The following BDP1 variants were observed in gnomAD, a reference collection of about 807,000 sequenced individuals.
BDP1 encodes the protein BDP1 general transcription factor IIIB subunit.
BDP1 carries 169 observed loss-of-function variants against 266.6 expected under a neutral mutation model. The ratio of observed to expected loss-of-function variants is 0.63; its 90% CI spans 0.56 to 0.72. The LOEUF is 0.72. Among genes scored for constraint, BDP1 ranks in the 30% least tolerant of loss-of-function variants. The probability of loss-of-function intolerance (pLI) is 0.00; values close to 1 mark genes in which losing one functional copy is unlikely to be tolerated. For missense variants in BDP1, 3,015 were observed against 3,053.8 expected (o/e 0.99, Z 0.30); for synonymous variants, 1,090 against 1,022.4 (o/e 1.07, Z -1.26).
In BDP1 at chr5:71,522,392, C is replaced by T. The variant is rs959926970; in HGVS notation, c.5095C>T (p.Pro1699Ser). 3.1e-6 allele frequency: 5 copies of T among 1,613,578 alleles called. No homozygotes were observed. The Admixed American group carries it at 5.0e-5, about 16-fold the overall frequency. ...AAGAGCACACAGTAAGAAAGAGGAA[C>T]CAGTTTTAGAAAAAGTCACAACAGA... is the stretch of plus-strand genomic sequence containing the variant. ...LGRAHSKKEE[P>S]VLEKVTTDQS... Residue 1699 changes from proline (P) to serine (S), a missense_variant, in exon 23 of 39, where the codon CCA becomes TCA. By Grantham distance (74) the Pro-to-Ser change is moderately conservative. Around this residue, in one of 3 missense-constraint regions of BDP1, gnomAD observed 2,383 missense variants for 2,404.9 expected, o/e 0.99. Coordinates refer to ENST00000358731, the MANE Select transcript of BDP1 (RefSeq NM_018429.3).
At chr5:71,523,383 G>A (rs945830246) in intron 24 of BDP1, among the ~76,000 whole-genome samples, 2 of 151,942 alleles carry the variant, frequency 1.3e-5, no homozygotes, top group African/African-American at 4.8e-5. Context: ...TGCGTGACTC[G>A]GCTCACTGCA....
intron 8 of BDP1, among the ~76,000 whole-genome samples, chr5:71,484,490 A>G (rs984561440): frequency 6.6e-6 from 1 of 152,112 alleles, no homozygotes; most frequent in African/African-American, 2.4e-5. Context: ...TTTTTTCCTA[A>G]TGATCATTGG....
chr5:71,505,591 G>T (rs1039870005), intron 16 of BDP1, among the ~76,000 whole-genome samples: 9 of 152,310 alleles, frequency 5.9e-5, no homozygotes, highest in Non-Finnish European at 8.8e-5. Context: ...GTGCGCAAAA[G>T]TGCAGTAGTG....
At chr5:71,563,032 G>T in intron 38 of BDP1, 1 of 408,686 alleles carries the variant, frequency 2.4e-6, no homozygotes, top group Non-Finnish European at 3.9e-6. Context: ...GGGTACTTTT[G>T]TAAAGAACAT....
chr5:71,529,543 T>G (rs978061563), intron 25 of BDP1, among the ~76,000 whole-genome samples: 1 of 152,128 alleles, frequency 6.6e-6, no homozygotes, highest in East Asian at 1.9e-4. Context: ...GTCAATAAAT[T>G]AGCAAGGTGT....
chr5:71,456,137 G>T, intron 1 of BDP1, 48 bp downstream of exon 1: 1 of 1,550,338 alleles, frequency 6.5e-7, no homozygotes, highest in Non-Finnish European at 8.8e-7. Flanking sequence ...GCCTCTCCGG[G>T]CATGTCACCT....
intron 13 of BDP1, among the ~76,000 whole-genome samples, chr5:71,498,338 C>G (rs1380610186): frequency 1.3e-5 from 2 of 152,234 alleles, no homozygotes; most frequent in Non-Finnish European, 2.9e-5. Context: ...TCAAGTGATT[C>G]TCCTGCCTCA....
intron 32 of BDP1, among the ~76,000 whole-genome samples, chr5:71,546,495 G>C (rs1016230353): frequency 1.3e-5 from 2 of 151,734 alleles, no homozygotes; most frequent in African/African-American, 4.8e-5. Context: ...GCATGCACCT[G>C]TAATCCCAGC....
chr5:71,556,424 T>C (rs1743218641), intron 35 of BDP1, among the ~76,000 whole-genome samples: 1 of 152,216 alleles, frequency 6.6e-6, no homozygotes, highest in African/African-American at 2.4e-5. Flanking sequence ...GCAATAGTTA[T>C]ATTTTATAGT....
chr5:71,500,546 C>T (rs1286299254), intron 13 of BDP1, among the ~76,000 whole-genome samples: 8 of 151,810 alleles, frequency 5.3e-5, no homozygotes, highest in African/African-American at 1.5e-4. Context: ...AGGCTGCTCT[C>T]GAACTTCTGA....
chr5:71,553,925 T>G (rs1394678867), intron 35 of BDP1, among the ~76,000 whole-genome samples: 2 of 152,212 alleles, frequency 1.3e-5, no homozygotes, highest in South Asian at 4.1e-4. Context: ...ACATACAGAC[T>G]TCTTTAGTTC....
chr5:71,522,907 C>T lies in BDP1; in HGVS notation c.5345C>T (p.Pro1782Leu), dbSNP rs771666564. ...GAGGAAACTGTAGGAGATAATTCACCATCTTCAGTTGTTGAAGAGCAATAT... is the reference window on the plus strand; with the variant it reads ...GAGGAAACTGTAGGAGATAATTCACTATCTTCAGTTGTTGAAGAGCAATAT... ...VGEETVGDNS[P>L]SSVVEEQYLN... Residue 1782 changes from proline (P) to leucine (L), a missense_variant, in exon 24 of 39, where the codon CCA becomes CTA. Coordinates refer to ENST00000358731, the MANE Select transcript of BDP1 (RefSeq NM_018429.3). The T allele has an allele frequency of 1.2e-5, 20 of 1,604,412 alleles. No homozygotes were observed. The South Asian group carries it at 2.3e-4, about 18-fold the overall frequency.
intron 6 of BDP1, among the ~76,000 whole-genome samples, chr5:71,468,750 G>C (rs549433109): frequency 7.9e-5 from 12 of 151,816 alleles, no homozygotes; most frequent in Admixed American, 2.0e-4. Context: ...GGGATTACAG[G>C]CGCCTGCCAC....
intron 9 of BDP1, among the ~76,000 whole-genome samples, chr5:71,487,584 C>T (rs1039466747): frequency 5.9e-5 from 9 of 152,080 alleles, no homozygotes; most frequent in Non-Finnish European, 1.2e-4. Context: ...CCCCAGAGAT[C>T]GTAAGACACT....
At chr5:71,525,577 C>G (rs1202625210) in intron 25 of BDP1, among the ~76,000 whole-genome samples, 1 of 80,180 alleles carries the variant, frequency 1.2e-5, no homozygotes, top group Middle Eastern at 7.7e-3. Context: ...GGGCGGCTGG[C>G]CGGGCGGGGG....
In BDP1 at chr5:71,517,362, C is replaced by T; in HGVS notation, c.4901C>T (p.Ser1634Phe). 6.2e-7 allele frequency: 1 copy of T among 1,601,504 alleles called. No individual in the cohort carries two copies. Among genetic ancestry groups the T allele is most frequent in the Non-Finnish European group, 8.5e-7 (1 of 1,176,648 alleles). The change falls in exon 22 of 39, where the codon TCC (serine) becomes TTC (phenylalanine). Residue 1634 changes from serine to phenylalanine, a missense_variant. By Grantham distance (155) the Ser-to-Phe change is radical. Around this residue, in one of 3 missense-constraint regions of BDP1, gnomAD observed 2,383 missense variants for 2,404.9 expected, o/e 0.99. Transcript: ENST00000358731. The stretch of plus-strand genomic sequence containing the variant: ...GAAACTGAAATTGAAGTTCCATCGT[C>T]CGCAGTTCCAGAACACAGAATGTAT... ...QIETEIEVPS[S>F]AVPEHRMYEN...
intron 16 of BDP1, among the ~76,000 whole-genome samples, chr5:71,506,899 C>CA (rs1764619303): frequency 6.6e-6 from 1 of 151,662 alleles, no homozygotes; most frequent in Admixed American, 6.6e-5. Context: ...TGGCTTACTG[C>CA]AGCATTCACC....
chr5:71,564,089 G>A (rs1348325803), intron 38 of BDP1, among the ~76,000 whole-genome samples: 5 of 152,086 alleles, frequency 3.3e-5, no homozygotes, highest in African/African-American at 1.2e-4. Flanking sequence ...TGGTTATATA[G>A]TTGTCCAACA....
chr5:71,480,927 A>G (rs1435743159), intron 7 of BDP1, among the ~76,000 whole-genome samples: 4 of 152,188 alleles, frequency 2.6e-5, no homozygotes, highest in Non-Finnish European at 5.9e-5. Context: ...CTGTAGTCCC[A>G]ACACTTTGGG....
Sources: allele counts gnomAD v4.1 joint callset (sites outside exome capture counted in the v4.1 genomes callset), GRCh38; gene constraint gnomAD v4.1.1; regional missense constraint gnomAD v4.1.1; transcripts MANE v1.5; gene names NCBI Gene and HGNC (gene_info 2026-07-23, HGNC 2026-07-21).